The following DACH1 variants were observed in gnomAD, a reference collection of about 807,000 sequenced individuals.
The protein encoded by DACH1 is dachshund homolog 1.
DACH1 carries 12 observed loss-of-function variants against 54.2 expected under a neutral mutation model. That is an observed-to-expected ratio of 0.22 (90% CI 0.14 to 0.36). DACH1 has a LOEUF of 0.36. Among genes scored for constraint, DACH1 ranks in the 10% least tolerant of loss-of-function variants. The pLI is 1.00. For synonymous variants in DACH1, 386 were observed against 366.2 expected, an observed-to-expected ratio of 1.05 and a Z score of -0.62; for missense variants, 805 against 929.8, an observed-to-expected ratio of 0.87 and a Z score of 1.75.
intron 1 of DACH1, among the ~76,000 whole-genome samples, chr13:71,737,096 C>T (rs1193521604): frequency 1.3e-5 from 2 of 151,802 alleles, no homozygotes; most frequent in Non-Finnish European, 2.9e-5. Flanking sequence ...ACTAAAAATA[C>T]AAAAATTAGC....
At chr13:71,586,695 C>A (rs1423598590) in intron 3 of DACH1, among the ~76,000 whole-genome samples, 1 of 151,934 alleles carries the variant, frequency 6.6e-6, no homozygotes, top group East Asian at 1.9e-4. Flanking sequence ...GAATTGCATA[C>A]CTAAAAATAT....
At chr13:71,628,625 A>G (rs1452350815) in intron 3 of DACH1, among the ~76,000 whole-genome samples, 1 of 152,068 alleles carries the variant, frequency 6.6e-6, no homozygotes, top group African/African-American at 2.4e-5. Context: ...TACCTTAATG[A>G]AAAAAAGTCA....
chr13:71,477,627 T>A (rs1031363921), intron 8 of DACH1, among the ~76,000 whole-genome samples: 1 of 152,218 alleles, frequency 6.6e-6, no homozygotes, highest in Non-Finnish European at 1.5e-5. Flanking sequence ...ACCTGCCTAC[T>A]GTTTCCCTTT....
At chr13:71,502,506 A>C (rs1201827508) in intron 6 of DACH1, among the ~76,000 whole-genome samples, 1 of 152,196 alleles carries the variant, frequency 6.6e-6, no homozygotes, top group African/African-American at 2.4e-5. Flanking sequence ...TAACCATGAA[A>C]GTACTACTTT....
intron 1 of DACH1, among the ~76,000 whole-genome samples, chr13:71,811,606 G>C (rs1219550844): frequency 6.6e-6 from 1 of 152,096 alleles, no homozygotes; most frequent in Non-Finnish European, 1.5e-5. Context: ...GAAACTCTTG[G>C]AATAAGTATT....
intron 2 of DACH1, among the ~76,000 whole-genome samples, chr13:71,633,713 C>T (rs887640085): frequency 6.6e-6 from 1 of 152,130 alleles, no homozygotes; most frequent in Non-Finnish European, 1.5e-5. Flanking sequence ...CAAGCTATGA[C>T]ATATGCAACA....
intron 6 of DACH1, among the ~76,000 whole-genome samples, chr13:71,554,243 A>T (rs1884093331): frequency 6.6e-6 from 1 of 152,162 alleles, no homozygotes; most frequent in African/African-American, 2.4e-5. Context: ...GAAGGTACAC[A>T]CAAGAGAAAA....
At chr13:71,562,849 T>A (rs544712420) in intron 4 of DACH1, among the ~76,000 whole-genome samples, 1 of 152,198 alleles carries the variant, frequency 6.6e-6, no homozygotes, top group African/African-American at 2.4e-5. Context: ...CAAAAGACAA[T>A]CTTGGCTTGT....
chr13:71,536,086 T>C (rs1324669315), intron 6 of DACH1, among the ~76,000 whole-genome samples: 3 of 152,196 alleles, frequency 2.0e-5, no homozygotes, highest in Non-Finnish European at 2.9e-5. Context: ...TATTGATTTG[T>C]TCCTCCTAAA....
intron 6 of DACH1, among the ~76,000 whole-genome samples, chr13:71,529,183 G>GTTTTT (rs10707603): frequency 6.2e-5 from 5 of 80,976 alleles, no homozygotes; most frequent in African/African-American, 1.7e-4. Flanking sequence ...TGTGATTTGG[G>GTTTTT]TTTTTTTTTT....
chr13:71,593,754 C>A (rs1873895197), intron 3 of DACH1, among the ~76,000 whole-genome samples: 1 of 151,742 alleles, frequency 6.6e-6, no homozygotes, highest in South Asian at 2.1e-4. Flanking sequence ...TGGAACATTC[C>A]CATTTTTCAT....
intron 1 of DACH1, among the ~76,000 whole-genome samples, chr13:71,746,788 T>G (rs2137962978): frequency 6.6e-6 from 1 of 152,310 alleles, no homozygotes; most frequent in East Asian, 1.9e-4. Flanking sequence ...CAGAAGTGGC[T>G]AGGACTTCTC....
intron 2 of DACH1, among the ~76,000 whole-genome samples, chr13:71,651,378 A>T (rs541725859): frequency 6.5e-4 from 99 of 152,016 alleles, no homozygotes; most frequent in African/African-American, 2.2e-3. Flanking sequence ...ACAAAAAAAA[A>T]AAAGAAAGAA....
chr13:71,722,370 G>A (rs1056457345), intron 1 of DACH1, among the ~76,000 whole-genome samples: 3 of 152,024 alleles, frequency 2.0e-5, no homozygotes, highest in South Asian at 2.1e-4. Flanking sequence ...TAATGACTAC[G>A]AGGTGGAATA....
At position 71,866,942 on chromosome 13, in the gene DACH1, A is replaced by G; in HGVS notation, c.-173T>C. The G allele has an allele frequency of 2.0e-6, 1 of 498,724 alleles. No homozygotes were observed. Among genetic ancestry groups the G allele is most frequent in the Non-Finnish European group, 3.2e-6 (1 of 316,334 alleles). 30.9% of individuals were successfully genotyped at this position (498,724 alleles called of 1,614,324 possible). A position where few individuals can be genotyped will look rare whatever the true frequency, so the allele number is the denominator to read the frequency against. Reference sequence around the variant, plus strand: ...AGGGGGAGAAAAGGAGGTGAAGGTAATAAAGAGCGAGCGCAAGAGGGGCGA... The same window carrying G: ...AGGGGGAGAAAAGGAGGTGAAGGTAGTAAAGAGCGAGCGCAAGAGGGGCGA... On this transcript the variant is annotated 5_prime_UTR_variant, in exon 1 of 11. Transcript: ENST00000613252.
chr13:71,581,506 G>A lies in DACH1; in HGVS notation c.1127-8494C>T, dbSNP rs142784937. On this transcript the variant is annotated intron_variant, in intron 3 of 10. Transcript: ENST00000613252. ...TCCTGACCTCGTGATCTGCCGCCTC[G>A]TCTTCCCAAAGTGCTGGGATAATGG... 4.0e-3 allele frequency among the ~76,000 whole-genome samples: 605 copies of A among 152,212 alleles called. 3 individuals are homozygous for A. Among genetic ancestry groups the A allele is most frequent in the Middle Eastern group, 0.037 (11 of 294 alleles).
chr13:71,756,278 C>T (rs186823722), intron 1 of DACH1, among the ~76,000 whole-genome samples: 2 of 151,774 alleles, frequency 1.3e-5, no homozygotes, highest in African/African-American at 4.8e-5. Flanking sequence ...CTCCTGACCT[C>T]GTGATCTGCC....
chr13:71,595,088 G>A (rs1469578520), intron 3 of DACH1, among the ~76,000 whole-genome samples: 9 of 152,142 alleles, frequency 5.9e-5, no homozygotes, highest in South Asian at 2.1e-4. Flanking sequence ...GGTAGCATTC[G>A]AAGGAGGTGA....
At chr13:71,811,586 A>G (rs2138151886) in intron 1 of DACH1, among the ~76,000 whole-genome samples, 1 of 152,278 alleles carries the variant, frequency 6.6e-6, no homozygotes, top group South Asian at 2.1e-4. Context: ...CAACACGAGG[A>G]AACTATGGAG....
Sources: gnomAD v4.1 joint callset for allele counts (sites outside exome capture counted in the v4.1 genomes callset) on GRCh38, gnomAD v4.1.1 for gene constraint, MANE v1.5 for transcripts, NCBI Gene and HGNC (gene_info 2026-07-23, HGNC 2026-07-21) for gene names.